Variants in JAKMIP2 observed in about 807,000 individuals in gnomAD.
The protein encoded by JAKMIP2 is janus kinase and microtubule-interacting protein 2.
JAKMIP2 carries 25 observed loss-of-function variants against 115.0 expected under a neutral mutation model. The ratio of observed to expected loss-of-function variants is 0.22; its 90% CI spans 0.16 to 0.30. JAKMIP2 has a LOEUF of 0.30. Ranked by LOEUF, JAKMIP2 falls within the 10% of genes least tolerant of loss-of-function variation. JAKMIP2 has a pLI of 1.00. For missense variants in JAKMIP2, 642 were observed against 957.6 expected (o/e 0.67, Z 4.35); for synonymous variants, 334 against 343.6 (o/e 0.97, Z 0.31).
intron 1 of JAKMIP2, among the ~76,000 whole-genome samples, chr5:147,702,984 C>T (rs1049908241): frequency 3.4e-4 from 52 of 152,080 alleles, no homozygotes; most frequent in African/African-American, 1.1e-3. Context: ...AGTAAAGAAT[C>T]TCAGAGATAA....
intron 1 of JAKMIP2, among the ~76,000 whole-genome samples, chr5:147,700,314 T>C (rs1354228684): frequency 2.0e-5 from 3 of 151,934 alleles, no homozygotes; most frequent in East Asian, 1.9e-4. Context: ...TGGAGAAAAA[T>C]AATTATAATT....
At chr5:147,651,386 C>G (rs1758387336) in intron 3 of JAKMIP2, among the ~76,000 whole-genome samples, 2 of 152,086 alleles carry the variant, frequency 1.3e-5, no homozygotes, top group African/African-American at 4.8e-5. Context: ...AACCTTTTTG[C>G]CATCCTAGGA....
intron 16 of JAKMIP2, among the ~76,000 whole-genome samples, chr5:147,627,197 T>C (rs1462037499): frequency 6.6e-6 from 1 of 152,036 alleles, no homozygotes; most frequent in African/African-American, 2.4e-5. Flanking sequence ...AATGCAATTG[T>C]CAAAAGCCAT....
rs192281406 is a variant in JAKMIP2, at chr5:147,670,376, G to C, written c.129+1302C>G. Among the ~76,000 whole-genome samples the C allele has an allele frequency of 4.3e-4, 66 of 152,268 alleles. No homozygotes were observed. The Middle Eastern group carries it at 0.01, about 24-fold the overall frequency. On this transcript the variant is annotated intron_variant, in intron 2 of 21. Transcript: ENST00000616793. ...TATTGATCAAGAATGTTTTCTTACTGTATAATTATCTAAATAAGGCAACTT... is the reference window on the plus strand; with the variant it reads ...TATTGATCAAGAATGTTTTCTTACTCTATAATTATCTAAATAAGGCAACTT...
At chr5:147,628,703 A>G (rs779534837) in intron 16 of JAKMIP2, 48 bp downstream of exon 16, 1 of 1,441,272 alleles carries the variant, frequency 6.9e-7, no homozygotes, top group East Asian at 2.3e-5. Context: ...CTCGTTCAGT[A>G]TTAAGCCAGA....
chr5:147,692,743 C>T (rs549987098), intron 1 of JAKMIP2, among the ~76,000 whole-genome samples: 3 of 152,214 alleles, frequency 2.0e-5, no homozygotes, highest in African/African-American at 2.4e-5. Context: ...TGGGGACATG[C>T]GGAAACGGTC....
intron 21 of JAKMIP2, among the ~76,000 whole-genome samples, chr5:147,594,023 T>C (rs760798717): frequency 2.3e-4 from 35 of 152,194 alleles, no homozygotes; most frequent in Non-Finnish European, 3.7e-4. Context: ...TTTCCACCTA[T>C]CACAACCGAG....
chr5:147,703,835 C>A (rs776494291), intron 1 of JAKMIP2, among the ~76,000 whole-genome samples: 2 of 151,992 alleles, frequency 1.3e-5, no homozygotes, highest in South Asian at 2.1e-4. Context: ...GCTTAAAACA[C>A]TAATATTTTT....
chr5:147,698,215 T>C (rs1561545006), intron 1 of JAKMIP2, among the ~76,000 whole-genome samples: 2 of 152,222 alleles, frequency 1.3e-5, no homozygotes, highest in Admixed American at 6.5e-5. Flanking sequence ...CCATAGCCTC[T>C]TTGTTCTGGC....
At chr5:147,693,807 T>G (rs952988783) in intron 1 of JAKMIP2, among the ~76,000 whole-genome samples, 1 of 152,228 alleles carries the variant, frequency 6.6e-6, no homozygotes, top group African/African-American at 2.4e-5. Context: ...TTATGTTAAC[T>G]GAATGGTTTA....
chr5:147,655,996 G>A (rs1486772341), intron 3 of JAKMIP2, among the ~76,000 whole-genome samples: 1 of 152,168 alleles, frequency 6.6e-6, no homozygotes. Flanking sequence ...CCATGTAGTT[G>A]TGTGGTTTTG....
At chr5:147,668,723 C>T (rs1759432383) in intron 2 of JAKMIP2, among the ~76,000 whole-genome samples, 1 of 152,266 alleles carries the variant, frequency 6.6e-6, no homozygotes, top group African/African-American at 2.4e-5. Flanking sequence ...TTAGCACTCA[C>T]ACATACACCC....
intron 18 of JAKMIP2, among the ~76,000 whole-genome samples, chr5:147,620,297 G>C (rs1756787623): frequency 6.6e-6 from 1 of 151,854 alleles, no homozygotes. Flanking sequence ...TTATTTTTTG[G>C]AGATACAAGG....
intron 21 of JAKMIP2, among the ~76,000 whole-genome samples, chr5:147,597,782 C>A (rs1232720839): frequency 6.6e-6 from 1 of 152,106 alleles, no homozygotes; most frequent in African/African-American, 2.4e-5. Context: ...TCCCACAAAG[C>A]GTGTGTTAGA....
chr5:147,655,694 T>C (rs1275357826), intron 3 of JAKMIP2, among the ~76,000 whole-genome samples: 1 of 152,154 alleles, frequency 6.6e-6, no homozygotes, highest in African/African-American at 2.4e-5. Context: ...TTTATCTGCT[T>C]CAGTTCTGCT....
chr5:147,667,061 T>A (rs533216627), intron 2 of JAKMIP2, among the ~76,000 whole-genome samples: 1 of 152,186 alleles, frequency 6.6e-6, no homozygotes, highest in Admixed American at 6.5e-5. Flanking sequence ...CAGAAAGAGA[T>A]GTTCAAAGAT....
intron 2 of JAKMIP2, among the ~76,000 whole-genome samples, chr5:147,663,954 A>G (rs564709845): frequency 6.6e-6 from 1 of 152,342 alleles, no homozygotes; most frequent in Non-Finnish European, 1.5e-5. Context: ...TTTTCTCTCC[A>G]TGTAAAATAT....
At chr5:147,594,515 G>C (rs904641849) in intron 21 of JAKMIP2, 1 of 427,372 alleles carries the variant, frequency 2.3e-6, no homozygotes, top group Non-Finnish European at 4.8e-6. Flanking sequence ...TTGTACTTTT[G>C]TAGAGATGGG....
chr5:147,696,360 T>G (rs530540969), intron 1 of JAKMIP2, among the ~76,000 whole-genome samples: 13 of 152,166 alleles, frequency 8.5e-5, no homozygotes, highest in African/African-American at 3.1e-4. Flanking sequence ...TCTCACAAGA[T>G]CTGATGGTTT....
Sources: gnomAD v4.1 joint callset for allele counts (sites outside exome capture counted in the v4.1 genomes callset) on GRCh38, gnomAD v4.1.1 for gene constraint, MANE v1.5 for transcripts, NCBI Gene and HGNC (gene_info 2026-07-23, HGNC 2026-07-21) for gene names.